CD160: variants seen among roughly 807,000 people sequenced by gnomAD.
CD160 encodes CD160 antigen.
CD160 carries 11 observed loss-of-function variants against 19.2 expected under a neutral mutation model. The ratio of observed to expected loss-of-function variants is 0.57; its 90% CI spans 0.36 to 0.95. The LOEUF is 0.95. Ranked by LOEUF, CD160 falls within the 40% of genes least tolerant of loss-of-function variation. The pLI, the probability that CD160 is intolerant of heterozygous loss-of-function variation, is 0.01. For synonymous variants in CD160, 75 were observed against 81.1 expected (o/e 0.93, Z 0.40); for missense variants, 182 against 213.2 (o/e 0.85, Z 0.91).
At chr1:145,737,657 TTTTA>T (rs1657548777) in intron 5 of CD160, 1 of 151,978 alleles carries the variant, frequency 6.6e-6, no homozygotes, top group Admixed American at 6.6e-5. Flanking sequence ...GTAAAATAAA[TTTTA>T]TTTTAGAATA....
intron 1 of CD160, among the ~76,000 whole-genome samples, chr1:145,724,014 T>C (rs923607114): frequency 5.9e-5 from 9 of 152,338 alleles, no homozygotes; most frequent in Middle Eastern, 3.4e-3. Flanking sequence ...GAAATGTTAA[T>C]ATATAATGAG....
chr1:145,731,228 G>T (rs587661122), intron 4 of CD160, among the ~76,000 whole-genome samples, 158 bp downstream of exon 4: 1 of 152,128 alleles, frequency 6.6e-6, no homozygotes, highest in Non-Finnish European at 1.5e-5. Flanking sequence ...TCTTCAAAGC[G>T]CACACACAAA....
chr1:145,728,388 A>G lies in CD160; in HGVS notation c.61A>G (p.Ile21Val). 6.2e-7 allele frequency: 1 copy of G among 1,611,950 alleles called. No homozygotes were observed. The highest frequency in any genetic ancestry group is 8.5e-7 in the Non-Finnish European group (1 of 1,178,304). Residue 21 changes from isoleucine (I) to valine (V), a missense_variant, in exon 3 of 6, where the codon ATC (isoleucine) becomes GTC (valine). By Grantham distance (29) the Ile-to-Val change is conservative. Transcript: ENST00000369288. Reference protein sequence around the residue: ...ALAILLAIVDIQSGGCINITS... With the variant: ...ALAILLAIVDVQSGGCINITS... The stretch of plus-strand genomic sequence containing the variant: ...GGCCATCCTGCTGGCAATTGTGGAC[A>G]TCCAGTCTGGTGGTGAGGATAGACC...
intron 4 of CD160, among the ~76,000 whole-genome samples, chr1:145,732,230 A>T (rs1553709502): frequency 6.6e-6 from 1 of 152,228 alleles, no homozygotes. Flanking sequence ...ACCAAATGTA[A>T]GGAAAGAAAA....
chr1:145,725,548 G>A (rs1481887594), intron 2 of CD160, among the ~76,000 whole-genome samples: 3 of 151,868 alleles, frequency 2.0e-5, no homozygotes, highest in South Asian at 4.2e-4. Context: ...AATGTAGATC[G>A]CCATCTTAAT....
intron 1 of CD160, among the ~76,000 whole-genome samples, chr1:145,720,259 A>G (rs781997333): frequency 7.9e-5 from 12 of 152,252 alleles, no homozygotes; most frequent in Non-Finnish European, 8.8e-5. Flanking sequence ...ACATTCTTCT[A>G]ATGTTTTGAC....
intron 4 of CD160, among the ~76,000 whole-genome samples, chr1:145,734,933 C>G (rs782222330): frequency 1.1e-4 from 16 of 151,972 alleles, no homozygotes; most frequent in Non-Finnish European, 7.4e-5. Flanking sequence ...ATGGTGAAAC[C>G]CTGTCTCTAC....
At chr1:145,721,250 G>GGAT (rs1553707758) in intron 1 of CD160, among the ~76,000 whole-genome samples, 1 of 152,204 alleles carries the variant, frequency 6.6e-6, no homozygotes, top group East Asian at 1.9e-4. Context: ...CATGCTCGCT[G>GGAT]GATGGCCCAT....
intron 1 of CD160, among the ~76,000 whole-genome samples, chr1:145,721,798 AT>A (rs782447631): frequency 2.0e-5 from 3 of 152,168 alleles, no homozygotes; most frequent in Non-Finnish European, 2.9e-5. Context: ...ACAAACAACT[AT>A]GAAGGCCTAA....
intron 2 of CD160, among the ~76,000 whole-genome samples, chr1:145,727,693 A>G (rs1657107173): frequency 6.6e-6 from 1 of 152,234 alleles, no homozygotes; most frequent in African/African-American, 2.4e-5. Context: ...AATACGGAGA[A>G]AGTGCCTAAA....
chr1:145,736,153 TAAGCACCCCA>T lies in CD160; in HGVS notation c.538+21_538+30del, dbSNP rs587668825. On this transcript the variant is annotated intron_variant, in intron 5 of 5. Transcript: ENST00000369288. ...CTTCAAGGTATGTCCAAAAGAGCCG[TAAGCACCCCA>T]AGCAATGAGGGTGCTATTATATTTC... 106 of 1,614,136 alleles carry T rather than the reference TAAGCACCCCA, an allele frequency of 6.6e-5. No homozygotes were observed. The African/African-American group carries it at 1.3e-3, about 20-fold the overall frequency.
intron 5 of CD160, 101 bp from the exon 6 acceptor site, chr1:145,738,385 C>A: frequency 1.6e-6 from 1 of 639,138 alleles, no homozygotes; most frequent in Non-Finnish European, 2.5e-6. Context: ...GTCATGAGGG[C>A]CTATCACGCA....
chr1:145,721,256 C>T (rs1230471076), intron 1 of CD160, among the ~76,000 whole-genome samples: 4 of 152,208 alleles, frequency 2.6e-5, no homozygotes, highest in African/African-American at 9.6e-5. Flanking sequence ...CGCTGGATGG[C>T]CCATGGCTGG....
At chr1:145,737,182 T>A (rs1478897459) in intron 5 of CD160, 2 of 151,746 alleles carry the variant, frequency 1.3e-5, no homozygotes, top group Non-Finnish European at 2.9e-5. Context: ...CCCAGGCTGG[T>A]TGAGGTTGCA....
intron 3 of CD160, among the ~76,000 whole-genome samples, chr1:145,730,068 A>G (rs1255335949): frequency 6.6e-6 from 1 of 152,164 alleles, no homozygotes; most frequent in African/African-American, 2.4e-5. Flanking sequence ...CATGCCTGTA[A>G]TCCCAGCAGT....
chr1:145,738,323 TA>T, intron 5 of CD160, 162 bp from the exon 6 acceptor site: 1 of 418,750 alleles, frequency 2.4e-6, no homozygotes, highest in South Asian at 1.0e-4. Context: ...AATTTAGTAA[TA>T]AGATGCAATA....
At chr1:145,734,535 A>G (rs904646350) in intron 4 of CD160, among the ~76,000 whole-genome samples, 4 of 152,182 alleles carry the variant, frequency 2.6e-5, no homozygotes, top group Admixed American at 2.6e-4. Context: ...ACTAGTGGAT[A>G]CTCCTCTTTC....
chr1:145,735,901 T>A, intron 4 of CD160, 96 bp from the exon 5 acceptor site: 1 of 855,052 alleles, frequency 1.2e-6, no homozygotes, highest in Non-Finnish European at 1.9e-6. Context: ...GGAGGAATCC[T>A]TGGAGATCAT....
At position 145,735,998 on chromosome 1, in the gene CD160, G is replaced by A. The variant is rs1273560321; in HGVS notation, c.402G>A (p.Glu134=). ...ATCCATGATTCTCTTTTGAACCAGA[G>A]ACAGGGAACTACACAGTGACGGGAT... The part of the protein sequence containing the change: ...QGHFFSILFT[E]TGNYTVTGLK... Residue 134 remains glutamate (E), a splice_region_variant and synonymous_variant, in exon 5 of 6, where the codon GAG becomes GAA. Coordinates refer to ENST00000369288, the MANE Select transcript of CD160 (RefSeq NM_007053.4). The A allele has an allele frequency of 3.1e-6, 5 of 1,604,768 alleles. No individual in the cohort carries two copies. The African/African-American group carries it at 4.0e-5, about 13-fold the overall frequency.
Sources: gnomAD v4.1 joint callset for allele counts (sites outside exome capture counted in the v4.1 genomes callset) on GRCh38, gnomAD v4.1.1 for gene constraint, MANE v1.5 for transcripts, NCBI Gene and HGNC (gene_info 2026-07-23, HGNC 2026-07-21) for gene names.